The following SERINC1 variants were observed in gnomAD, a reference collection of about 807,000 sequenced individuals.
The protein encoded by SERINC1 is tumor differentially expressed protein 2.
In SERINC1, 38 loss-of-function variants were observed where a neutral mutation model predicts 52.9. The observed-to-expected ratio is 0.72, with a 90% CI of 0.55 to 0.94. The LOEUF (loss-of-function observed/expected upper bound fraction) is 0.94. Ranked by LOEUF, SERINC1 falls within the 40% of genes least tolerant of loss-of-function variation. SERINC1 has a pLI of 0.00. For synonymous variants in SERINC1, 198 were observed against 183.1 expected (o/e 1.08, Z -0.66); for missense variants, 471 against 533.9 (o/e 0.88, Z 1.16).
chr6:122,470,831 T>G (rs1191146174), intron 1 of SERINC1, among the ~76,000 whole-genome samples: 2 of 152,070 alleles, frequency 1.3e-5, no homozygotes, highest in Non-Finnish European at 1.5e-5. Flanking sequence ...ACAAATATCT[T>G]TATTAACTGC....
Position 122,444,206 on chromosome 6 carries a change from T to G in SERINC1, c.*838A>C, listed in dbSNP as rs1284801005. 6.6e-6 allele frequency: 1 copy of G among 152,176 alleles called. No individual in the cohort carries two copies. The highest frequency in any genetic ancestry group is 1.5e-5 in the Non-Finnish European group (1 of 68,124). The allele number at this position is 152,176 out of a possible 1,614,324, so 9.4% of individuals were successfully genotyped here. On this transcript the variant is annotated 3_prime_UTR_variant, in exon 10 of 10. Transcript: ENST00000339697. Reference sequence around the variant, plus strand: ...TTCACCATGTTGCCCAGGCTGGTCTTGAATTCCTGGGCTCAAGTAATCTAC... The same window carrying G: ...TTCACCATGTTGCCCAGGCTGGTCTGGAATTCCTGGGCTCAAGTAATCTAC...
intron 1 of SERINC1, among the ~76,000 whole-genome samples, chr6:122,460,337 A>C (rs901867066): frequency 1.3e-5 from 2 of 152,204 alleles, no homozygotes; most frequent in Non-Finnish European, 2.9e-5. Flanking sequence ...GGCCTCCCAA[A>C]GTGCTGGGAT....
chr6:122,466,711 A>T (rs188460762), intron 1 of SERINC1, among the ~76,000 whole-genome samples: 11 of 152,352 alleles, frequency 7.2e-5, no homozygotes, highest in African/African-American at 2.4e-4. Context: ...GGAAGTTCTG[A>T]AAACAATCAA....
chr6:122,445,040 T>C lies in SERINC1; in HGVS notation c.*4A>G. ...AAGTGGGACTTTCATGCTAGAAGTC[T>C]CACTCAGTCAAAATCACGATTTGTA... On this transcript the variant is annotated 3_prime_UTR_variant, in exon 10 of 10. Transcript: ENST00000339697. 1 of 1,611,466 alleles carries C rather than the reference T, an allele frequency of 6.2e-7. No homozygotes were observed. The highest frequency in any genetic ancestry group is 1.3e-5 in the African/African-American group (1 of 74,944).
intron 1 of SERINC1, among the ~76,000 whole-genome samples, chr6:122,466,290 C>G (rs776009992): frequency 1.5e-4 from 23 of 152,070 alleles, no homozygotes; most frequent in Non-Finnish European, 2.9e-4. Flanking sequence ...AATGTTACAG[C>G]AGAGGTTTTT....
At chr6:122,471,605 C>T in intron 1 of SERINC1, 94 bp downstream of exon 1, 3 of 1,515,060 alleles carry the variant, frequency 2.0e-6, no homozygotes, top group South Asian at 2.2e-5. Flanking sequence ...GGGTGGGGCA[C>T]CACATTCCCG....
intron 1 of SERINC1, among the ~76,000 whole-genome samples, chr6:122,461,109 T>C (rs554799940): frequency 6.6e-6 from 1 of 152,192 alleles, no homozygotes; most frequent in Non-Finnish European, 1.5e-5. Context: ...TGAACTTCAA[T>C]TGGAGAGAAG....
intron 1 of SERINC1, among the ~76,000 whole-genome samples, chr6:122,460,601 C>T (rs1284225856): frequency 2.6e-5 from 4 of 152,016 alleles, no homozygotes; most frequent in African/African-American, 7.3e-5. Context: ...GTAAAATCAC[C>T]CAAGTCAAAG....
intron 5 of SERINC1, 53 bp downstream of exon 5, chr6:122,453,717 T>C: frequency 6.8e-7 from 1 of 1,478,098 alleles, no homozygotes; most frequent in South Asian, 1.4e-5. Context: ...TACATATCTA[T>C]TCTCGACTTC....
rs181837705 is a variant in SERINC1 at position 122,453,238 on chromosome 6, C to A, written c.589+532G>T. Reference sequence around the variant, plus strand: ...TTGGGATATCTGTTTTCAAGTATAACCCCAAAGGACTCAACATCATCATTA... The same window carrying A: ...TTGGGATATCTGTTTTCAAGTATAAACCCAAAGGACTCAACATCATCATTA... On this transcript the variant is annotated intron_variant, in intron 5 of 9. Coordinates refer to ENST00000339697, the MANE Select transcript of SERINC1 (RefSeq NM_020755.4). Among the ~76,000 whole-genome samples the A allele has an allele frequency of 3.2e-4, 49 of 152,252 alleles. No homozygotes were observed. In the East Asian group the frequency reaches 3.5e-3, roughly 11 times the overall value.
At position 122,447,255 on chromosome 6, in the gene SERINC1, G is replaced by A; in HGVS notation, c.861C>T (p.Cys287=). The part of the protein sequence containing the change: ...SAMTNEPETN[C]NPSLLSIIGY... ...CAATTATGCTTAGTAGACTTGGGTT[G>A]CAATTTGTTTCTGTAATATAAAGCC... Residue 287 remains cysteine (C), a synonymous_variant, in exon 8 of 10, where the codon TGC becomes TGT. Coordinates refer to ENST00000339697, the MANE Select transcript of SERINC1 (RefSeq NM_020755.4). 1 of 1,606,424 alleles carries A rather than the reference G, an allele frequency of 6.2e-7. No homozygotes were observed. The highest frequency in any genetic ancestry group is 8.5e-7 in the Non-Finnish European group (1 of 1,176,154).
rs1472587493 is a variant in SERINC1 at position 122,449,292 on chromosome 6, GT to G, written c.851-2028del. Among the ~76,000 whole-genome samples, 8 of 152,296 alleles carry G rather than the reference GT, an allele frequency of 5.3e-5. No homozygotes were observed. The East Asian group carries it at 1.5e-3, about 29-fold the overall frequency. Reference sequence around the variant, plus strand: ...GAAAGCATGCCAAAAGCTGAGACAGGTCAAAAGCTAGGCCTTCTGTTCCAGT... The same window carrying G: ...GAAAGCATGCCAAAAGCTGAGACAGGCAAAAGCTAGGCCTTCTGTTCCAGT... On this transcript the variant is annotated intron_variant, in intron 7 of 9. Coordinates refer to ENST00000339697, the MANE Select transcript of SERINC1 (RefSeq NM_020755.4).
chr6:122,454,041 C>T (rs1249079387), intron 4 of SERINC1, 110 bp downstream of exon 4: 1 of 1,137,738 alleles, frequency 8.8e-7, no homozygotes, highest in East Asian at 2.6e-5. Flanking sequence ...GGGAAACACA[C>T]ACACACACAC....
Position 122,446,951 on chromosome 6 carries a change from T to C in SERINC1, c.1049A>G (p.Glu350Gly). 1.2e-6 allele frequency: 2 copies of C among 1,613,670 alleles called. No individual in the cohort carries two copies. Among genetic ancestry groups the C allele is most frequent in the Non-Finnish European group, 1.7e-6 (2 of 1,179,552 alleles). ...QVNKLTLTSDESTLIEDGGAR... is the reference protein window; with the variant it reads ...QVNKLTLTSDGSTLIEDGGAR... ...TCCACCATCTTCTATTAATGTAGAT[T>C]CATCACTTGTTAGAGTCAGTTTATT... is the stretch of plus-strand genomic sequence containing the variant. Residue 350 changes from glutamate to glycine, a missense_variant, in exon 9 of 10, where the codon GAA becomes GGA. By Grantham distance (98) the Glu-to-Gly change is moderately conservative. Coordinates refer to ENST00000339697, the MANE Select transcript of SERINC1 (RefSeq NM_020755.4).
chr6:122,462,726 G>A (rs753392014), intron 1 of SERINC1, among the ~76,000 whole-genome samples: 4 of 152,114 alleles, frequency 2.6e-5, no homozygotes, highest in Non-Finnish European at 4.4e-5. Context: ...ATGTTTCTAC[G>A]TATTAGTAAT....
chr6:122,446,234 G>C (rs1562211865), intron 9 of SERINC1, among the ~76,000 whole-genome samples: 1 of 151,574 alleles, frequency 6.6e-6, no homozygotes, highest in Non-Finnish European at 1.5e-5. Flanking sequence ...AAAGATTTAT[G>C]GATTAAGTTT....
chr6:122,462,484 C>T (rs557265440), intron 1 of SERINC1, among the ~76,000 whole-genome samples: 57 of 152,168 alleles, frequency 3.7e-4, no homozygotes, highest in Non-Finnish European at 6.8e-4. Flanking sequence ...GGGCCATACA[C>T]CATGGCTCAC....
chr6:122,458,261 T>C (rs778119302), intron 2 of SERINC1, among the ~76,000 whole-genome samples: 1 of 152,166 alleles, frequency 6.6e-6, no homozygotes, highest in South Asian at 2.1e-4. Context: ...CTTTTTTCCA[T>C]GACCCATTGA....
In SERINC1 at chr6:122,443,880, A is replaced by C. The variant is rs1242618752; in HGVS notation, c.*1164T>G. On this transcript the variant is annotated 3_prime_UTR_variant, in exon 10 of 10. Coordinates refer to ENST00000339697, the MANE Select transcript of SERINC1 (RefSeq NM_020755.4). ...AGCTATCTGAGCTATTTAAGTCTGT[A>C]TTTCAGTGTCTTCATTTTTTTAAAT... 1 of 152,154 alleles carries C rather than the reference A, an allele frequency of 6.6e-6. No individual in the cohort carries two copies. Among genetic ancestry groups the C allele is most frequent in the Non-Finnish European group, 1.5e-5 (1 of 68,020 alleles). The allele number at this position is 152,154 out of a possible 1,614,324, so 9.4% of individuals were successfully genotyped here.
Sources: gnomAD v4.1 joint callset for allele counts (sites outside exome capture counted in the v4.1 genomes callset) on GRCh38, gnomAD v4.1.1 for gene constraint, MANE v1.5 for transcripts, NCBI Gene and HGNC (gene_info 2026-07-23, HGNC 2026-07-21) for gene names.